Variants in SLC9A9 observed in about 807,000 individuals in gnomAD.
The protein encoded by SLC9A9 is solute carrier family 9 member A9.
In SLC9A9, 62 loss-of-function variants were observed where a neutral mutation model predicts 77.8. The observed-to-expected ratio is 0.80, with a 90% CI of 0.65 to 0.98. SLC9A9 has a LOEUF of 0.98. Among genes scored for constraint, SLC9A9 ranks in the 50% least tolerant of loss-of-function variants. SLC9A9 has a pLI of 0.00. For synonymous variants in SLC9A9, 320 were observed against 283.5 expected (o/e 1.13, Z -1.29); for missense variants, 775 against 774.9 (o/e 1.00, Z 0.00).
At chr3:143,818,540 C>T (rs2009080484) in intron 2 of SLC9A9, among the ~76,000 whole-genome samples, 1 of 151,904 alleles carries the variant, frequency 6.6e-6, no homozygotes, top group Admixed American at 6.6e-5. Flanking sequence ...CTCCTGACCT[C>T]AAGTGATCCA....
intron 9 of SLC9A9, among the ~76,000 whole-genome samples, chr3:143,514,973 C>A (rs545882723): frequency 8.5e-5 from 13 of 152,300 alleles, no homozygotes; most frequent in Admixed American, 6.5e-4. Flanking sequence ...GCCTGTCCTG[C>A]CTTTTGACAT....
At chr3:143,633,169 G>A (rs529082704) in intron 6 of SLC9A9, among the ~76,000 whole-genome samples, 2 of 152,264 alleles carry the variant, frequency 1.3e-5, no homozygotes, top group African/African-American at 4.8e-5. Context: ...GCTAGTTATA[G>A]GTGATCAGGA....
At chr3:143,477,625 C>T (rs1455151563) in intron 11 of SLC9A9, among the ~76,000 whole-genome samples, 1 of 152,144 alleles carries the variant, frequency 6.6e-6, no homozygotes, top group African/African-American at 2.4e-5. Context: ...TCAACCCTGG[C>T]TTGTGACATG....
chr3:143,503,493 C>A, intron 9 of SLC9A9: 1 of 380,288 alleles, frequency 2.6e-6, no homozygotes, highest in Non-Finnish European at 5.2e-6. Flanking sequence ...CCTGCTTCGC[C>A]ACCTTCATGA....
rs187289461 is a variant in SLC9A9, at chr3:143,651,916, G to T, written c.755+339C>A. Reference sequence around the variant, plus strand: ...TCTATTAGACTATTATCTGGAAAGTGACTTATATAAGGCGAAAAATTAAAT... The same window carrying T: ...TCTATTAGACTATTATCTGGAAAGTTACTTATATAAGGCGAAAAATTAAAT... On this transcript the variant is annotated intron_variant, in intron 6 of 15. Coordinates refer to ENST00000316549, the MANE Select transcript of SLC9A9 (RefSeq NM_173653.4). Among the ~76,000 whole-genome samples, 146 of 152,278 alleles carry T rather than the reference G, an allele frequency of 9.6e-4. No individual in the cohort carries two copies. The Middle Eastern group carries it at 0.01, about 11-fold the overall frequency.
intron 6 of SLC9A9, among the ~76,000 whole-genome samples, chr3:143,622,966 A>G (rs1409115108): frequency 1.3e-5 from 2 of 152,222 alleles, no homozygotes; most frequent in Admixed American, 6.5e-5. Context: ...TTGAAATCCT[A>G]GTCTCTGATA....
intron 4 of SLC9A9, among the ~76,000 whole-genome samples, chr3:143,715,305 G>C (rs1196738811): frequency 6.6e-6 from 1 of 152,074 alleles, no homozygotes; most frequent in East Asian, 1.9e-4. Flanking sequence ...TCTCTTTCCA[G>C]GTTTCTAATA....
At chr3:143,835,873 G>A (rs935137887) in intron 1 of SLC9A9, among the ~76,000 whole-genome samples, 6 of 152,218 alleles carry the variant, frequency 3.9e-5, no homozygotes, top group East Asian at 3.8e-4. Flanking sequence ...CTGGCCCCAG[G>A]TTGAGGTTCC....
chr3:143,475,125 ATT>A (rs35148633), intron 11 of SLC9A9, among the ~76,000 whole-genome samples: 16 of 134,596 alleles, frequency 1.2e-4, no homozygotes, highest in Non-Finnish European at 1.1e-4. Flanking sequence ...CACCTGGCTC[ATT>A]TTTTTTTTTT....
chr3:143,541,435 T>C (rs1407168330), intron 9 of SLC9A9, among the ~76,000 whole-genome samples: 1 of 152,206 alleles, frequency 6.6e-6, no homozygotes, highest in Non-Finnish European at 1.5e-5. Flanking sequence ...CACGAGACCC[T>C]GAGCCAAAGC....
At chr3:143,675,755 A>G (rs979238572) in intron 5 of SLC9A9, among the ~76,000 whole-genome samples, 33 of 152,350 alleles carry the variant, frequency 2.2e-4, no homozygotes, top group African/African-American at 7.7e-4. Context: ...GAAATTTTGA[A>G]GTTTTCAAGT....
In SLC9A9 at chr3:143,566,472, A is replaced by AT. The variant is rs543697991; in HGVS notation, c.1000+7615dup. Among the ~76,000 whole-genome samples, 528 of 151,996 alleles carry AT rather than the reference A, an allele frequency of 3.5e-3. 2 individuals are homozygous for AT. Among genetic ancestry groups the AT allele is most frequent in the Non-Finnish European group, 5.9e-3 (400 of 67,930 alleles). ...CTTGTTTTTAACTTCCCACACTTTCATTTTTTTTAAGATTCATTTACTCTC... is the reference window on the plus strand; with the variant it reads ...CTTGTTTTTAACTTCCCACACTTTCATTTTTTTTTAAGATTCATTTACTCTC... On this transcript the variant is annotated intron_variant, in intron 8 of 15. Coordinates refer to ENST00000316549, the MANE Select transcript of SLC9A9 (RefSeq NM_173653.4).
chr3:143,395,577 C>T (rs1031563548), intron 12 of SLC9A9, among the ~76,000 whole-genome samples: 2 of 152,144 alleles, frequency 1.3e-5, no homozygotes, highest in Admixed American at 6.5e-5. Context: ...GCAATGGCAA[C>T]AAAAGCCAAA....
chr3:143,741,986 C>A (rs1435729916), intron 4 of SLC9A9, among the ~76,000 whole-genome samples: 1 of 152,060 alleles, frequency 6.6e-6, no homozygotes, highest in Admixed American at 6.6e-5. Context: ...GACTAGATTG[C>A]CTTTGTAGGA....
intron 4 of SLC9A9, among the ~76,000 whole-genome samples, chr3:143,704,157 T>C (rs1274574513): frequency 1.3e-5 from 2 of 152,104 alleles, no homozygotes; most frequent in Non-Finnish European, 1.5e-5. Flanking sequence ...AAAGAACTAA[T>C]GCCAACTCTG....
At chr3:143,736,596 C>A (rs1266477185) in intron 4 of SLC9A9, among the ~76,000 whole-genome samples, 1 of 151,910 alleles carries the variant, frequency 6.6e-6, no homozygotes, top group African/African-American at 2.4e-5. Context: ...ACCTAAATTT[C>A]TGGGGTATTT....
At chr3:143,750,627 TG>T (rs1330146093) in intron 4 of SLC9A9, among the ~76,000 whole-genome samples, 1 of 151,988 alleles carries the variant, frequency 6.6e-6, no homozygotes, top group East Asian at 1.9e-4. Context: ...AAATGTTTTA[TG>T]ATGTCATTTG....
chr3:143,699,290 T>C (rs1246189451), intron 4 of SLC9A9, among the ~76,000 whole-genome samples: 1 of 151,822 alleles, frequency 6.6e-6, no homozygotes, highest in Non-Finnish European at 1.5e-5. Context: ...GCTCCAGTGA[T>C]TGTACACCCC....
At chr3:143,842,418 T>G (rs1484444835) in intron 1 of SLC9A9, among the ~76,000 whole-genome samples, 1 of 152,040 alleles carries the variant, frequency 6.6e-6, no homozygotes, top group East Asian at 1.9e-4. Context: ...CCCAAAAACA[T>G]AAAAAAACAT....
Sources: allele counts gnomAD v4.1 joint callset (sites outside exome capture counted in the v4.1 genomes callset), GRCh38; gene constraint gnomAD v4.1.1; transcripts MANE v1.5; gene names NCBI Gene and HGNC (gene_info 2026-07-23, HGNC 2026-07-21).